The following RBFOX1 variants were observed in gnomAD, a reference collection of about 807,000 sequenced individuals.
RBFOX1 encodes RNA binding fox-1 homolog 1, also known as RNA binding protein fox-1 homolog 1.
In RBFOX1, 8 loss-of-function variants were observed where a neutral mutation model predicts 57.7. The observed-to-expected ratio is 0.14, with a 90% CI of 0.08 to 0.25. RBFOX1 has a LOEUF of 0.25. Among genes scored for constraint, RBFOX1 ranks in the 10% least tolerant of loss-of-function variants. The probability of loss-of-function intolerance (pLI) is 1.00; values close to 1 mark genes in which losing one functional copy is unlikely to be tolerated. For missense variants in RBFOX1, 611 were observed against 548.5 expected, an observed-to-expected ratio of 1.11 and a Z score of -1.14; for synonymous variants, 326 against 222.4, an observed-to-expected ratio of 1.47 and a Z score of -4.15.
intron 3 of RBFOX1, among the ~76,000 whole-genome samples, chr16:6,870,097 A>G (rs776890849): frequency 1.3e-5 from 2 of 152,282 alleles, no homozygotes; most frequent in East Asian, 1.9e-4. Context: ...TTTTTGGATG[A>G]TGATAATAAT....
chr16:5,610,496 C>T (rs1424907903), intron 3 of RBFOX1: 2 of 152,130 alleles, frequency 1.3e-5, no homozygotes, highest in African/African-American at 4.8e-5. Flanking sequence ...GTGGTCTTGG[C>T]AGGGGTATTA....
intron 4 of RBFOX1, among the ~76,000 whole-genome samples, chr16:7,210,326 G>T (rs2090878480): frequency 6.6e-6 from 1 of 152,098 alleles, no homozygotes; most frequent in Non-Finnish European, 1.5e-5. Context: ...GCAACTCTTG[G>T]GCAGGAGCTG....
intron 3 of RBFOX1, among the ~76,000 whole-genome samples, chr16:5,713,130 C>A (rs2051557468): frequency 6.6e-6 from 1 of 152,194 alleles, no homozygotes; most frequent in Non-Finnish European, 1.5e-5. Flanking sequence ...AATGAACCGA[C>A]ACTGAATGAA....
chr16:6,929,676 A>C (rs2076190489), intron 3 of RBFOX1, among the ~76,000 whole-genome samples: 1 of 152,030 alleles, frequency 6.6e-6, no homozygotes, highest in Admixed American at 6.6e-5. Context: ...TTGCATAACT[A>C]GTGTGTTAGA....
At chr16:5,430,904 A>G (rs1043472225) in intron 1 of RBFOX1, among the ~76,000 whole-genome samples, 1 of 152,254 alleles carries the variant, frequency 6.6e-6, no homozygotes, top group Non-Finnish European at 1.5e-5. Flanking sequence ...AAAAAGAGAC[A>G]GTTTATAATA....
intron 2 of RBFOX1, among the ~76,000 whole-genome samples, chr16:5,539,619 C>G (rs1597448971): frequency 6.6e-6 from 1 of 151,988 alleles, no homozygotes; most frequent in East Asian, 1.9e-4. Flanking sequence ...TCCCAAAAAA[C>G]AAAACAAAAT....
At chr16:5,397,677 C>T (rs1398085992) in intron 1 of RBFOX1, among the ~76,000 whole-genome samples, 1 of 152,220 alleles carries the variant, frequency 6.6e-6, no homozygotes, top group Non-Finnish European at 1.5e-5. Context: ...ACTTAAGAGA[C>T]ACATCACCCA....
intron 3 of RBFOX1, among the ~76,000 whole-genome samples, chr16:6,879,394 G>T (rs2062465056): frequency 6.6e-6 from 1 of 151,916 alleles, no homozygotes; most frequent in Admixed American, 6.6e-5. Context: ...TATATTTATT[G>T]GATGCTCTGG....
At chr16:5,809,912 C>G (rs1245041822) in intron 3 of RBFOX1, among the ~76,000 whole-genome samples, 1 of 152,048 alleles carries the variant, frequency 6.6e-6, no homozygotes, top group Non-Finnish European at 1.5e-5. Flanking sequence ...ATAGCAAAGA[C>G]TTGGAACCAA....
chr16:6,418,527 T>TA (rs2093687723), intron 2 of RBFOX1, among the ~76,000 whole-genome samples: 1 of 139,072 alleles, frequency 7.2e-6, no homozygotes, highest in African/African-American at 2.7e-5. Context: ...TTATTTTTTT[T>TA]TTTTTTTTTT....
intron 1 of RBFOX1, among the ~76,000 whole-genome samples, chr16:6,120,616 C>G (rs1212800184): frequency 6.6e-6 from 1 of 152,148 alleles, no homozygotes; most frequent in African/African-American, 2.4e-5. Context: ...AAGAAATCAT[C>G]TTGGCTCAGT....
At chr16:6,740,528 A>G (rs1028567511) in intron 3 of RBFOX1, among the ~76,000 whole-genome samples, 1 of 152,226 alleles carries the variant, frequency 6.6e-6, no homozygotes, top group East Asian at 1.9e-4. Context: ...TGGACTGACA[A>G]GTTAGCTCAC....
At chr16:6,629,683 G>A (rs2098358603) in intron 2 of RBFOX1, among the ~76,000 whole-genome samples, 1 of 152,130 alleles carries the variant, frequency 6.6e-6, no homozygotes, top group South Asian at 2.1e-4. Flanking sequence ...AACAGCAGGT[G>A]AGTCTTGTGG....
At chr16:6,977,140 T>G (rs1344350611) in intron 3 of RBFOX1, among the ~76,000 whole-genome samples, 1 of 137,206 alleles carries the variant, frequency 7.3e-6, no homozygotes, top group Admixed American at 7.7e-5. Context: ...ATGATATATA[T>G]TATATATATC....
At chr16:7,277,879 T>A (rs148527457) in intron 4 of RBFOX1, among the ~76,000 whole-genome samples, 2 of 151,964 alleles carry the variant, frequency 1.3e-5, no homozygotes, top group Non-Finnish European at 2.9e-5. Flanking sequence ...AGAGACATTC[T>A]TATTACAGAA....
intron 3 of RBFOX1, among the ~76,000 whole-genome samples, chr16:6,721,100 T>C (rs2065898422): frequency 6.6e-6 from 1 of 151,986 alleles, no homozygotes; most frequent in African/African-American, 2.4e-5. Context: ...GTTTGCTTTA[T>C]GTAACCATTT....
chr16:6,467,680 G>C (rs1016536642), intron 2 of RBFOX1, among the ~76,000 whole-genome samples: 1 of 152,190 alleles, frequency 6.6e-6, no homozygotes, highest in Non-Finnish European at 1.5e-5. Context: ...GAAAGCCCGA[G>C]ACTGCAGTCA....
At chr16:5,597,753 C>G (rs11643067) in intron 2 of RBFOX1, among the ~76,000 whole-genome samples, 1 of 151,832 alleles carries the variant, frequency 6.6e-6, no homozygotes. Context: ...CCAGCTTTAA[C>G]ATGCTCCTGC....
At chr16:5,545,315 G>A (rs78430260) in intron 2 of RBFOX1, among the ~76,000 whole-genome samples, 53 of 151,762 alleles carry the variant, frequency 3.5e-4, no homozygotes, top group Non-Finnish European at 5.4e-4. Flanking sequence ...AATAATATCA[G>A]TTCTATACAA....
Sources: allele counts gnomAD v4.1 joint callset (sites outside exome capture counted in the v4.1 genomes callset), GRCh38; gene constraint gnomAD v4.1.1; transcripts MANE v1.5; gene names NCBI Gene and HGNC (gene_info 2026-07-23, HGNC 2026-07-21).